Variants in CCBE1 observed in about 807,000 individuals in gnomAD.
The protein encoded by CCBE1 is collagen and calcium binding EGF domains 1.
A neutral mutation model predicts 50.0 loss-of-function variants in CCBE1; 37 were observed. The observed-to-expected ratio is 0.74, with a 90% CI of 0.57 to 0.97. The LOEUF (loss-of-function observed/expected upper bound fraction) is 0.97, where lower values mean the gene tolerates loss of function less well. Ranked by LOEUF, CCBE1 falls within the 50% of genes least tolerant of loss-of-function variation. The pLI, the probability that CCBE1 is intolerant of heterozygous loss-of-function variation, is 0.00. For synonymous variants in CCBE1, 234 were observed against 203.7 expected (o/e 1.15, Z -1.27); for missense variants, 538 against 523.8 (o/e 1.03, Z -0.26).
intron 2 of CCBE1, among the ~76,000 whole-genome samples, chr18:59,631,079 C>T (rs1361472933): frequency 2.0e-5 from 3 of 152,128 alleles, no homozygotes; most frequent in African/African-American, 4.8e-5. Context: ...TCATCTCATG[C>T]GATTCAGGTG....
chr18:59,465,944 T>C lies in CCBE1; in HGVS notation c.553+795A>G, dbSNP rs951504990. Among the ~76,000 whole-genome samples, 3 of 152,098 alleles carry C rather than the reference T, an allele frequency of 2.0e-5. No individual in the cohort carries two copies. In the East Asian group the frequency reaches 5.8e-4, roughly 29 times the overall value. On this transcript the variant is annotated intron_variant, in intron 5 of 10. Transcript: ENST00000439986. The stretch of plus-strand genomic sequence containing the variant: ...TCCAGTACACACTAGCTTACAACCC[T>C]TGAGCTAATGGGCATCACTCTTATT...
intron 6 of CCBE1, 86 bp from the exon 7 acceptor site, chr18:59,448,189 CT>C (rs1910772673): frequency 1.3e-6 from 2 of 1,577,516 alleles, no homozygotes; most frequent in Non-Finnish European, 8.6e-7. Flanking sequence ...GCTGCAAAGC[CT>C]TTTCATGAGA....
At chr18:59,494,038 C>T (rs1333535100) in intron 2 of CCBE1, among the ~76,000 whole-genome samples, 1 of 152,162 alleles carries the variant, frequency 6.6e-6, no homozygotes. Flanking sequence ...AACTGTAAGT[C>T]CATCAAACCT....
At chr18:59,590,533 A>C (rs983514161) in intron 2 of CCBE1, among the ~76,000 whole-genome samples, 1 of 152,152 alleles carries the variant, frequency 6.6e-6, no homozygotes, top group African/African-American at 2.4e-5. Context: ...CCAACTCCAC[A>C]TGGAAAACTG....
chr18:59,598,313 C>A lies in CCBE1; in HGVS notation c.212+98316G>T, dbSNP rs80233042. Among the ~76,000 whole-genome samples, 624 of 152,310 alleles carry A rather than the reference C, an allele frequency of 4.1e-3. 8 individuals are homozygous for A. Among genetic ancestry groups the A allele is most frequent in the African/African-American group, 0.015 (607 of 41,560 alleles). ...TCTGTTGTGATACAGAAAGTCGCCC[C>A]CTCACCGCTGTGGGAAGCTGCCATA... is the stretch of plus-strand genomic sequence containing the variant. On this transcript the variant is annotated intron_variant, in intron 2 of 10. Coordinates refer to ENST00000439986, the MANE Select transcript of CCBE1 (RefSeq NM_133459.4).
At chr18:59,667,542 G>A (rs114301657) in intron 2 of CCBE1, among the ~76,000 whole-genome samples, 2,777 of 152,246 alleles carry the variant, frequency 0.018, 36 homozygotes, top group Middle Eastern at 0.051. Flanking sequence ...TGAGATGTGA[G>A]GCTAAAGTCA....
At chr18:59,578,578 A>T (rs1159992218) in intron 2 of CCBE1, among the ~76,000 whole-genome samples, 1 of 152,268 alleles carries the variant, frequency 6.6e-6, no homozygotes, top group East Asian at 1.9e-4. Flanking sequence ...CTGGATAAAG[A>T]AAATATGGCA....
At chr18:59,470,660 A>G (rs1911988784) in intron 3 of CCBE1, among the ~76,000 whole-genome samples, 1 of 152,204 alleles carries the variant, frequency 6.6e-6, no homozygotes. Context: ...ATGAACTGAT[A>G]TGTAATGAGC....
rs558686223 is a variant in CCBE1 at position 59,642,491 on chromosome 18, G to A, written c.212+54138C>T. Among the ~76,000 whole-genome samples, 15 of 152,250 alleles carry A rather than the reference G, an allele frequency of 9.9e-5. No homozygotes were observed. The East Asian group carries it at 2.1e-3, about 22-fold the overall frequency. The stretch of plus-strand genomic sequence containing the variant: ...GGAGACATCCTCTAGAAAAACTTGC[G>A]CATGCATACCAGGAGGCACCTGTAA... On this transcript the variant is annotated intron_variant, in intron 2 of 10. Transcript: ENST00000439986.
chr18:59,648,659 G>A (rs535144404), intron 2 of CCBE1, among the ~76,000 whole-genome samples: 3 of 152,264 alleles, frequency 2.0e-5, no homozygotes, highest in East Asian at 1.9e-4. Flanking sequence ...CCAGGATCAC[G>A]CCACTGCACT....
At chr18:59,473,821 T>C (rs865851229) in intron 3 of CCBE1, among the ~76,000 whole-genome samples, 75 of 13,454 alleles carry the variant, frequency 5.6e-3, no homozygotes, top group Non-Finnish European at 8.8e-3. Flanking sequence ...TATTCCCCCC[T>C]ACTACTCACC....
At chr18:59,652,108 A>G (rs2054134995) in intron 2 of CCBE1, among the ~76,000 whole-genome samples, 1 of 152,194 alleles carries the variant, frequency 6.6e-6, no homozygotes, top group Non-Finnish European at 1.5e-5. Context: ...GAATGCGAAC[A>G]TGTGATATTT....
intron 6 of CCBE1, among the ~76,000 whole-genome samples, chr18:59,453,302 C>T (rs895558533): frequency 6.6e-6 from 1 of 152,214 alleles, no homozygotes; most frequent in Non-Finnish European, 1.5e-5. Context: ...CTTACTTCTT[C>T]CTCGAACCCT....
At chr18:59,625,430 C>CAAAAAAAAAAAAAAAAAAA (rs750324482) in intron 2 of CCBE1, among the ~76,000 whole-genome samples, 1 of 69,918 alleles carries the variant, frequency 1.4e-5, no homozygotes, top group Non-Finnish European at 2.8e-5. Context: ...GATTCTGTCT[C>CAAAAAAAAAAAAAAAAAAA]AAAAAAAAAA....
At chr18:59,623,131 G>A (rs1012179306) in intron 2 of CCBE1, among the ~76,000 whole-genome samples, 12 of 152,150 alleles carry the variant, frequency 7.9e-5, no homozygotes, top group Non-Finnish European at 1.8e-4. Context: ...ATGTGGAGTC[G>A]AGAGTATATG....
intron 5 of CCBE1, among the ~76,000 whole-genome samples, chr18:59,459,818 C>G (rs553270474): frequency 6.6e-6 from 1 of 152,116 alleles, no homozygotes. Context: ...GCACACCACC[C>G]GTCTGGGGAT....
intron 2 of CCBE1, among the ~76,000 whole-genome samples, chr18:59,555,344 C>T (rs1034128749): frequency 6.6e-6 from 1 of 152,158 alleles, no homozygotes; most frequent in Non-Finnish European, 1.5e-5. Context: ...ATAGTCAAGG[C>T]TATGAAACTG....
chr18:59,531,925 A>T (rs1200751235), intron 2 of CCBE1, among the ~76,000 whole-genome samples: 1 of 152,208 alleles, frequency 6.6e-6, no homozygotes, highest in Non-Finnish European at 1.5e-5. Context: ...GACCCAAGGC[A>T]TCGCTTTTCA....
Position 59,433,507 on chromosome 18 carries a change from G to A in CCBE1, c.*2401C>T, listed in dbSNP as rs1042451845. The A allele has an allele frequency of 6.6e-6, 1 of 152,126 alleles. No homozygotes were observed. The highest frequency in any genetic ancestry group is 2.4e-5 in the African/African-American group (1 of 41,400). 9.4% of individuals were successfully genotyped at this position (152,126 alleles called of 1,614,324 possible). The stretch of plus-strand genomic sequence containing the variant: ...TCCTGCATTTCCAACGTGGTAGGAA[G>A]AAGGGAAGGAAGACTGTTGCCACTA... On this transcript the variant is annotated 3_prime_UTR_variant, in exon 11 of 11. Transcript: ENST00000439986.
Sources: allele counts gnomAD v4.1 joint callset (sites outside exome capture counted in the v4.1 genomes callset), GRCh38; gene constraint gnomAD v4.1.1; transcripts MANE v1.5; gene names NCBI Gene and HGNC (gene_info 2026-07-23, HGNC 2026-07-21).